Variants in F13A1 observed in about 807,000 individuals in gnomAD.
The protein encoded by F13A1 is coagulation factor XIII A chain.
F13A1 carries 47 observed loss-of-function variants against 80.1 expected under a neutral mutation model. The ratio of observed to expected loss-of-function variants is 0.59; its 90% CI spans 0.46 to 0.75. The LOEUF is 0.75. Among genes scored for constraint, F13A1 ranks in the 30% least tolerant of loss-of-function variants. The pLI, the probability that F13A1 is intolerant of heterozygous loss-of-function variation, is 0.00. For missense variants in F13A1, 817 were observed against 930.4 expected, an observed-to-expected ratio of 0.88 and a Z score of 1.59; for synonymous variants, 349 against 344.9, an observed-to-expected ratio of 1.01 and a Z score of -0.13.
At chr6:6,153,297 GAAGA>G (rs1760412465) in intron 13 of F13A1, among the ~76,000 whole-genome samples, 1 of 152,180 alleles carries the variant, frequency 6.6e-6, no homozygotes, top group Non-Finnish European at 1.5e-5. Context: ...ATTGCCCAGA[GAAGA>G]GGACCCTTGC....
At chr6:6,258,121 A>G (rs968619917) in intron 4 of F13A1, among the ~76,000 whole-genome samples, 7 of 152,156 alleles carry the variant, frequency 4.6e-5, no homozygotes, top group African/African-American at 1.7e-4. Context: ...TTGTTACACA[A>G]TGCCAGATAC....
At chr6:6,152,629 T>A (rs140185185) in intron 13 of F13A1, among the ~76,000 whole-genome samples, 1 of 152,270 alleles carries the variant, frequency 6.6e-6, no homozygotes, top group South Asian at 2.1e-4. Flanking sequence ...TTATTAACAG[T>A]GGGGACTCAG....
intron 10 of F13A1, 100 bp downstream of exon 10, chr6:6,195,697 A>T: frequency 9.8e-7 from 1 of 1,020,102 alleles, no homozygotes; most frequent in Non-Finnish European, 1.5e-6. Flanking sequence ...AGCATACGCT[A>T]TGTACCTGGA....
intron 9 of F13A1, 65 bp downstream of exon 9, chr6:6,197,158 C>G: frequency 6.6e-7 from 1 of 1,512,918 alleles, no homozygotes; most frequent in South Asian, 1.1e-5. Flanking sequence ...ACATCAAATG[C>G]AAGCATAAAA....
intron 11 of F13A1, among the ~76,000 whole-genome samples, chr6:6,181,360 A>G (rs36037543): frequency 5.8e-4 from 88 of 152,386 alleles, no homozygotes; most frequent in Non-Finnish European, 5.1e-4. Context: ...TTGCAGGCAT[A>G]GAGCGGACAC....
chr6:6,209,753 C>T (rs1761568173), intron 8 of F13A1, among the ~76,000 whole-genome samples: 1 of 152,178 alleles, frequency 6.6e-6, no homozygotes, highest in Non-Finnish European at 1.5e-5. Context: ...CACAAAAGGT[C>T]ACATATTACA....
chr6:6,168,208 C>T (rs1043012350), intron 12 of F13A1, among the ~76,000 whole-genome samples: 1 of 152,168 alleles, frequency 6.6e-6, no homozygotes, highest in African/African-American at 2.4e-5. Flanking sequence ...ATCTCCGAAC[C>T]TCTGTTTGTG....
chr6:6,254,470 T>C (rs1245359692), intron 4 of F13A1, among the ~76,000 whole-genome samples: 3 of 152,148 alleles, frequency 2.0e-5, no homozygotes, highest in South Asian at 2.1e-4. Context: ...GGTACTGATA[T>C]AGAAAACGCT....
intron 3 of F13A1, among the ~76,000 whole-genome samples, chr6:6,296,268 T>C (rs1048879360): frequency 3.3e-5 from 5 of 151,886 alleles, no homozygotes; most frequent in Non-Finnish European, 7.4e-5. Context: ...AGTAGTTTTT[T>C]CCAATTCTGT....
chr6:6,284,061 A>G (rs1758103538), intron 3 of F13A1, among the ~76,000 whole-genome samples: 1 of 152,262 alleles, frequency 6.6e-6, no homozygotes, highest in Non-Finnish European at 1.5e-5. Context: ...AAGGGAAAAG[A>G]GGCAGAGAGC....
At chr6:6,146,514 G>T (rs1371976894) in intron 14 of F13A1, among the ~76,000 whole-genome samples, 1 of 152,164 alleles carries the variant, frequency 6.6e-6, no homozygotes, top group African/African-American at 2.4e-5. Context: ...GCCCACATCA[G>T]TGCAGACTGA....
intron 6 of F13A1, among the ~76,000 whole-genome samples, chr6:6,225,541 T>A (rs1757265076): frequency 6.6e-6 from 1 of 152,154 alleles, no homozygotes. Context: ...AAGGTCTCGA[T>A]CTGTCACACA....
Position 6,222,164 on chromosome 6 carries a change from T to C in F13A1, c.981A>G (p.Arg327=). The change falls in exon 8 of 15, where the codon CGA becomes CGG. Residue 327 remains arginine, a synonymous_variant. Transcript: ENST00000264870. ...VFAGVFNTFL[R]CLGIPARIVT... is the part of the protein sequence containing the mutation. ...CAATTCTTGCTGGTATTCCAAGGCA[T>C]CGTAAAACTACAGGAAAGGACAGAC... 1 of 1,614,038 alleles carries C rather than the reference T, an allele frequency of 6.2e-7. No individual in the cohort carries two copies. Among genetic ancestry groups the C allele is most frequent in the Non-Finnish European group, 8.5e-7 (1 of 1,179,908 alleles).
intron 4 of F13A1, among the ~76,000 whole-genome samples, chr6:6,262,789 CT>C (rs1457426104): frequency 1.3e-5 from 2 of 152,042 alleles, no homozygotes; most frequent in Non-Finnish European, 2.9e-5. Flanking sequence ...CACCCCTCTT[CT>C]TCTACTCTAC....
At chr6:6,316,489 C>A (rs1271693396) in intron 2 of F13A1, among the ~76,000 whole-genome samples, 1 of 152,038 alleles carries the variant, frequency 6.6e-6, no homozygotes, top group African/African-American at 2.4e-5. Flanking sequence ...TTCAGTTATG[C>A]TGCTCCCCAC....
chr6:6,218,919 T>G (rs979729430), intron 8 of F13A1, among the ~76,000 whole-genome samples: 2 of 152,134 alleles, frequency 1.3e-5, no homozygotes, highest in African/African-American at 4.8e-5. Context: ...ATTTCTGGTT[T>G]CGGCAGGCTG....
At chr6:6,197,094 A>T (rs923696578) in intron 9 of F13A1, 129 bp downstream of exon 9, 1 of 780,908 alleles carries the variant, frequency 1.3e-6, no homozygotes, top group Non-Finnish European at 2.2e-6. Flanking sequence ...AATACTGTAC[A>T]TGTGCCCAGG....
At chr6:6,171,927 C>G (rs1760781992) in intron 12 of F13A1, among the ~76,000 whole-genome samples, 1 of 152,190 alleles carries the variant, frequency 6.6e-6, no homozygotes, top group African/African-American at 2.4e-5. Context: ...AATGTCACCC[C>G]ATTAGAGAGG....
intron 10 of F13A1, among the ~76,000 whole-genome samples, chr6:6,185,337 T>C (rs1761060475): frequency 7.4e-6 from 1 of 135,826 alleles, no homozygotes; most frequent in Non-Finnish European, 1.5e-5. Context: ...CCTGTGTCCA[T>C]GTGATCTCAT....
Sources: gnomAD v4.1 joint callset for allele counts (sites outside exome capture counted in the v4.1 genomes callset) on GRCh38, gnomAD v4.1.1 for gene constraint, MANE v1.5 for transcripts, NCBI Gene and HGNC (gene_info 2026-07-23, HGNC 2026-07-21) for gene names.